TMEM135: variants seen among roughly 807,000 people sequenced by gnomAD.
TMEM135 encodes transmembrane protein 135.
Under a neutral mutation model 60.3 loss-of-function variants are expected in TMEM135, and 30 were observed. The observed-to-expected ratio is 0.50, with a 90% confidence interval of 0.37 to 0.68. The LOEUF (loss-of-function observed/expected upper bound fraction) is 0.68. TMEM135 is among the 30% of genes least tolerant of loss of function. The pLI is 0.00. For missense variants in TMEM135, 468 were observed against 548.8 expected (o/e 0.85, Z 1.47); for synonymous variants, 190 against 186.7 (o/e 1.02, Z -0.14).
At chr11:87,252,475 A>G (rs747702472) in intron 6 of TMEM135, among the ~76,000 whole-genome samples, 7 of 152,170 alleles carry the variant, frequency 4.6e-5, no homozygotes, top group Non-Finnish European at 8.8e-5. Flanking sequence ...TTAATTTCTT[A>G]TAAAAATAGA....
At chr11:87,184,321 A>G (rs1313025869) in intron 5 of TMEM135, among the ~76,000 whole-genome samples, 4 of 152,146 alleles carry the variant, frequency 2.6e-5, no homozygotes, top group Non-Finnish European at 4.4e-5. Flanking sequence ...TAATTATTTT[A>G]TTTAACAGTT....
intron 4 of TMEM135, among the ~76,000 whole-genome samples, chr11:87,118,244 GCTTAAA>G (rs965380200): frequency 4.7e-4 from 72 of 152,094 alleles, no homozygotes; most frequent in Non-Finnish European, 1.5e-5. Context: ...ATGGTCATTG[GCTTAAA>G]CTTAAAGTCA....
intron 1 of TMEM135, among the ~76,000 whole-genome samples, chr11:87,062,239 C>T (rs948969331): frequency 3.3e-4 from 50 of 151,784 alleles, no homozygotes; most frequent in African/African-American, 1.1e-3. Flanking sequence ...CTCCTGATCT[C>T]GTGATCCGCC....
chr11:87,222,661 G>A (rs61905619), intron 5 of TMEM135, among the ~76,000 whole-genome samples: 1 of 150,932 alleles, frequency 6.6e-6, no homozygotes, highest in Non-Finnish European at 1.5e-5. Context: ...AAAAATAGCT[G>A]GGTGTGGTGG....
At chr11:87,200,961 T>C (rs1422338003) in intron 5 of TMEM135, among the ~76,000 whole-genome samples, 1 of 152,248 alleles carries the variant, frequency 6.6e-6, no homozygotes, top group Admixed American at 6.5e-5. Context: ...TGTCTTATCT[T>C]AGTTGGATTG....
chr11:87,041,918 AAGTC>A (rs2135102774), intron 1 of TMEM135, among the ~76,000 whole-genome samples: 1 of 152,358 alleles, frequency 6.6e-6, no homozygotes, highest in South Asian at 2.1e-4. Flanking sequence ...CTAGGTTGTC[AAGTC>A]AGATTGTTGC....
chr11:87,288,078 C>T (rs1565157793), intron 6 of TMEM135, among the ~76,000 whole-genome samples: 1 of 152,176 alleles, frequency 6.6e-6, no homozygotes, highest in Admixed American at 6.5e-5. Context: ...TTAACTCATC[C>T]AACTTCAATA....
chr11:87,328,168 C>G lies in TMEM135; in HGVS notation c.*6835C>G, dbSNP rs891793696. On this transcript the variant is annotated 3_prime_UTR_variant, in exon 15 of 15. Transcript: ENST00000305494. ...TGAAAACATTTCTAATGGACATATT[C>G]CAATTCTGTATAGATCAGATCTCAG... The G allele has an allele frequency of 4.4e-6, 2 of 454,060 alleles. No homozygotes were observed. Among genetic ancestry groups the G allele is most frequent in the Non-Finnish European group, 8.8e-6 (2 of 226,780 alleles). The allele number at this position is 454,060 out of a possible 1,614,324, so 28.1% of individuals were successfully genotyped here.
rs529957283 is a variant in TMEM135 at position 87,222,905 on chromosome 11, A to G, written c.463-13733A>G. On this transcript the variant is annotated intron_variant, in intron 5 of 14. Coordinates refer to ENST00000305494, the MANE Select transcript of TMEM135 (RefSeq NM_022918.4). ...AAAATACTTTTGTAAGTATTTTGCA[A>G]AACTCTATTCAACATCGTTACATCT... Among the ~76,000 whole-genome samples the G allele has an allele frequency of 1.1e-4, 16 of 152,332 alleles. No individual in the cohort carries two copies. In the Middle Eastern group the frequency reaches 0.01, roughly 97 times the overall value.
chr11:87,076,572 T>C (rs904055771), intron 3 of TMEM135, among the ~76,000 whole-genome samples: 1 of 152,192 alleles, frequency 6.6e-6, no homozygotes, highest in African/African-American at 2.4e-5. Context: ...CAAAGTTCCC[T>C]TTTGTTTTCC....
chr11:87,278,820 C>A (rs200007793), intron 6 of TMEM135, among the ~76,000 whole-genome samples: 1 of 150,030 alleles, frequency 6.7e-6, no homozygotes, highest in Non-Finnish European at 1.5e-5. Context: ...TTTAAAATTT[C>A]TTTTGTGCAT....
intron 4 of TMEM135, among the ~76,000 whole-genome samples, chr11:87,134,894 C>T (rs990152409): frequency 2.0e-5 from 3 of 152,194 alleles, no homozygotes; most frequent in East Asian, 3.8e-4. Context: ...TACATCTATG[C>T]TAACACTTGG....
rs993016734 is a variant in TMEM135, at chr11:87,328,818, G to A, written c.*7485G>A. Reference sequence around the variant, plus strand: ...GTGTTAACAATAAAAATATATATACGAGTGTCTTTTATGGTAGATCTCCTT... The same window carrying A: ...GTGTTAACAATAAAAATATATATACAAGTGTCTTTTATGGTAGATCTCCTT... On this transcript the variant is annotated 3_prime_UTR_variant, in exon 15 of 15. Transcript: ENST00000305494. 2.0e-5 allele frequency: 9 copies of A among 453,740 alleles called. No individual in the cohort carries two copies. The highest frequency in any genetic ancestry group is 3.1e-5 in the Non-Finnish European group (7 of 226,764). 28.1% of individuals were successfully genotyped at this position (453,740 alleles called of 1,614,324 possible).
intron 5 of TMEM135, among the ~76,000 whole-genome samples, chr11:87,174,649 A>G (rs961142241): frequency 2.6e-5 from 4 of 152,148 alleles, no homozygotes; most frequent in African/African-American, 9.6e-5. Context: ...CCTAGGGAGT[A>G]TTTATTATAA....
chr11:87,130,830 C>A (rs529966382), intron 4 of TMEM135, among the ~76,000 whole-genome samples: 41 of 151,972 alleles, frequency 2.7e-4, no homozygotes, highest in African/African-American at 9.4e-4. Flanking sequence ...GAGTTAAATT[C>A]AAATTATTGG....
intron 4 of TMEM135, among the ~76,000 whole-genome samples, chr11:87,094,010 T>A (rs1288162413): frequency 6.6e-6 from 1 of 152,184 alleles, no homozygotes; most frequent in Non-Finnish European, 1.5e-5. Context: ...CTTCATATAT[T>A]GGTTATAAAC....
chr11:87,282,072 C>G (rs541502084), intron 6 of TMEM135, among the ~76,000 whole-genome samples: 2 of 152,170 alleles, frequency 1.3e-5, no homozygotes, highest in Non-Finnish European at 1.5e-5. Context: ...GGGCCCCACA[C>G]TTAGAATTTC....
chr11:87,169,018 C>G (rs1175946907), intron 5 of TMEM135, among the ~76,000 whole-genome samples: 2 of 151,980 alleles, frequency 1.3e-5, no homozygotes, highest in Non-Finnish European at 2.9e-5. Context: ...GGATAGTTAA[C>G]TCATCTTGTT....
chr11:87,220,536 A>G (rs1940595965), intron 5 of TMEM135, among the ~76,000 whole-genome samples: 1 of 152,208 alleles, frequency 6.6e-6, no homozygotes, highest in African/African-American at 2.4e-5. Context: ...TCTTCCTGGC[A>G]TGACAATATG....
Sources: gnomAD v4.1 joint callset for allele counts (sites outside exome capture counted in the v4.1 genomes callset) on GRCh38, gnomAD v4.1.1 for gene constraint, MANE v1.5 for transcripts, NCBI Gene and HGNC (gene_info 2026-07-23, HGNC 2026-07-21) for gene names.